The following SEC14L1 variants were observed in gnomAD, a reference collection of about 807,000 sequenced individuals.
SEC14L1 encodes the protein SEC14 like lipid binding 1, also known as SEC14-like protein 1.
In SEC14L1, 48 loss-of-function variants were observed where a neutral mutation model predicts 85.3. That is an observed-to-expected ratio of 0.56 (90% CI 0.45 to 0.72). SEC14L1 has a LOEUF of 0.72. Among genes scored for constraint, SEC14L1 ranks in the 30% least tolerant of loss-of-function variants. The pLI, the probability that SEC14L1 is intolerant of heterozygous loss-of-function variation, is 0.00. For missense variants in SEC14L1, 682 were observed against 921.4 expected, an observed-to-expected ratio of 0.74 and a Z score of 3.36; for synonymous variants, 391 against 355.5, an observed-to-expected ratio of 1.10 and a Z score of -1.12.
intron 5 of SEC14L1, 64 bp from the exon 6 acceptor site, chr17:77,193,357 G>A (rs1175890355): frequency 1.4e-6 from 2 of 1,480,300 alleles, no homozygotes; most frequent in Non-Finnish European, 1.8e-6. Flanking sequence ...GTTAAACTGA[G>A]GAGCAGGCAG....
intron 4 of SEC14L1, 62 bp downstream of exon 4, chr17:77,191,014 TGGGAGAGGGCGTCCTGGA>T (rs1477783351): frequency 6.3e-6 from 10 of 1,576,806 alleles, no homozygotes; most frequent in African/African-American, 4.3e-5. Flanking sequence ...GGCGTCCTGG[TGGGAGAGGGCGTCCTGGA>T]GGGAGAGGGC....
intron 3 of SEC14L1, among the ~76,000 whole-genome samples, chr17:77,186,907 G>C (rs1336828832): frequency 6.6e-6 from 1 of 152,122 alleles, no homozygotes; most frequent in Non-Finnish European, 1.5e-5. Flanking sequence ...TAACACCAAA[G>C]GTTTCTTCCT....
At chr17:77,122,758 G>A (rs1972332209) in intron 3 of SEC14L1, among the ~76,000 whole-genome samples, 1 of 152,250 alleles carries the variant, frequency 6.6e-6, no homozygotes, top group African/African-American at 2.4e-5. Flanking sequence ...AAGGCAGAAG[G>A]AGGGCCTGGG....
chr17:77,169,268 A>G (rs1160269371), intron 3 of SEC14L1, among the ~76,000 whole-genome samples: 2 of 152,164 alleles, frequency 1.3e-5, no homozygotes, highest in Non-Finnish European at 2.9e-5. Flanking sequence ...TCCCCTTGCC[A>G]TGAGAGAAGA....
chr17:77,112,286 C>A (rs1382303116), intron 3 of SEC14L1, among the ~76,000 whole-genome samples: 2 of 152,110 alleles, frequency 1.3e-5, no homozygotes, highest in African/African-American at 4.8e-5. Context: ...AGTCTCGGGT[C>A]TCTCTTCATA....
chr17:77,122,027 T>C (rs1469806714), intron 3 of SEC14L1, among the ~76,000 whole-genome samples: 2 of 152,174 alleles, frequency 1.3e-5, no homozygotes, highest in African/African-American at 2.4e-5. Flanking sequence ...CTGGAAAACA[T>C]TGATATACTG....
intron 3 of SEC14L1, among the ~76,000 whole-genome samples, chr17:77,173,124 T>G (rs1026158700): frequency 6.6e-6 from 1 of 152,226 alleles, no homozygotes; most frequent in Non-Finnish European, 1.5e-5. Context: ...AAGAGTGGTT[T>G]GAGCTCCCTT....
At chr17:77,179,939 A>C (rs1974938365) in intron 3 of SEC14L1, among the ~76,000 whole-genome samples, 1 of 152,066 alleles carries the variant, frequency 6.6e-6, no homozygotes, top group African/African-American at 2.4e-5. Context: ...AGCCTCCCAA[A>C]GTGCTGGGAT....
chr17:77,137,498 G>A (rs554782060), upstream of SEC14L1, among the ~76,000 whole-genome samples: 80 of 152,332 alleles, frequency 5.3e-4, no homozygotes, highest in African/African-American at 1.9e-3. Context: ...AGCCATTCAT[G>A]AGGGATCTGA....
At chr17:77,147,997 A>G (rs1344356392) in intron 3 of SEC14L1, among the ~76,000 whole-genome samples, 2 of 152,158 alleles carry the variant, frequency 1.3e-5, no homozygotes, top group Non-Finnish European at 1.5e-5. Flanking sequence ...GAGCATAGTG[A>G]TATGATCCCA....
In SEC14L1 at chr17:77,190,816, G is replaced by C. The variant is rs1252597469; in HGVS notation, c.77G>C (p.Arg26Thr). Residue 26 changes from arginine (R) to threonine (T), a missense_variant, in exon 4 of 17, where the codon AGG (arginine) becomes ACG (threonine). Transcript: ENST00000436233. ...FELIMAAYERRFPTCPLIPMF... is the reference protein window; with the variant it reads ...FELIMAAYERTFPTCPLIPMF... ...TTAAATTTATAGGCCTATGAAAGGAGGTTCCCTACATGTCCTTTGATTCCG... is the reference window on the plus strand; with the variant it reads ...TTAAATTTATAGGCCTATGAAAGGACGTTCCCTACATGTCCTTTGATTCCG... 6.2e-7 allele frequency: 1 copy of C among 1,614,198 alleles called. No homozygotes were observed. The highest frequency in any genetic ancestry group is 1.1e-5 in the South Asian group (1 of 91,090).
rs140098494 is a variant in SEC14L1 at position 77,122,299 on chromosome 17, T to A, written c.-135-20347T>A. On this transcript the variant is annotated intron_variant, in intron 3 of 19. Coordinates refer to the SEC14L1 transcript ENST00000392476. ...TTATCATTAATTTTTATTTTCTTCT[T>A]CATCTTCTTTTTTTTTTTTTTGAGA... Among the ~76,000 whole-genome samples the A allele has an allele frequency of 3.2e-3, 483 of 151,748 alleles. 3 individuals are homozygous for A. The highest frequency in any genetic ancestry group is 0.011 in the African/African-American group (457 of 41,360).
In SEC14L1 at chr17:77,143,596, C is replaced by T. The variant is rs1454580506; in HGVS notation, c.-1C>T. On this transcript the variant is annotated 5_prime_UTR_variant, in exon 3 of 17. Coordinates refer to ENST00000436233, the MANE Select transcript of SEC14L1 (RefSeq NM_001143998.2). ...GAGAGGGTTGCTGTTGTATTGCAAT[C>T]ATGGTGCAGAAATACCAGTCCCCAG... The T allele has an allele frequency of 1.4e-5, 23 of 1,612,720 alleles. No individual in the cohort carries two copies. The highest frequency in any genetic ancestry group is 8.9e-5 in the East Asian group (4 of 44,882).
In SEC14L1 at chr17:77,213,240, C is replaced by G; in HGVS notation, c.1864-74C>G. ...GAAATCCTAAAGACAGTCCCCTTGG[C>G]GCTTGTCAGGCCTGTGGTAGGCCAG... On this transcript the variant is annotated intron_variant, in intron 15 of 16. Coordinates refer to ENST00000436233, the MANE Select transcript of SEC14L1 (RefSeq NM_001143998.2). The surrounding 1 kb of genome is among the most constrained non-coding windows in gnomAD (Gnocchi z 7.1). 7.7e-7 allele frequency: 1 copy of G among 1,305,544 alleles called. No individual in the cohort carries two copies. Among genetic ancestry groups the G allele is most frequent in the Non-Finnish European group, 1.1e-6 (1 of 948,696 alleles). 80.9% of individuals were successfully genotyped at this position (1,305,544 alleles called of 1,614,324 possible). A position where few individuals can be genotyped will look rare whatever the true frequency, so the allele number is the denominator to read the frequency against.
upstream of SEC14L1, chr17:77,140,604 C>G (rs1972953907): frequency 1.3e-5 from 2 of 152,670 alleles, no homozygotes; most frequent in African/African-American, 4.8e-5. Context: ...GAACCCCTCC[C>G]CTGCACGCCG....
At chr17:77,154,506 A>G (rs1258489662) in intron 3 of SEC14L1, among the ~76,000 whole-genome samples, 1 of 152,174 alleles carries the variant, frequency 6.6e-6, no homozygotes, top group Non-Finnish European at 1.5e-5. Flanking sequence ...TTAAATATAA[A>G]ATGTAAATGC....
intron 3 of SEC14L1, among the ~76,000 whole-genome samples, chr17:77,182,638 C>A (rs1975088560): frequency 6.6e-6 from 1 of 152,152 alleles, no homozygotes; most frequent in South Asian, 2.1e-4. Context: ...TTCGTCCAGC[C>A]TTTCTTGACT....
intron 10 of SEC14L1, 83 bp downstream of exon 10, chr17:77,203,741 C>T (rs1158410827): frequency 2.0e-6 from 2 of 1,000,508 alleles, no homozygotes; most frequent in East Asian, 5.2e-5. Context: ...GTTAACCAGC[C>T]TGTTAGAACA....
chr17:77,147,920 G>C (rs532076555), intron 3 of SEC14L1, among the ~76,000 whole-genome samples: 1 of 152,216 alleles, frequency 6.6e-6, no homozygotes, highest in South Asian at 2.1e-4. Flanking sequence ...CCTGGCTTGC[G>C]GGGAGGAGAA....
Sources: allele counts gnomAD v4.1 joint callset (sites outside exome capture counted in the v4.1 genomes callset), GRCh38; gene constraint gnomAD v4.1.1; non-coding constraint Gnocchi (gnomAD v3.1); transcripts MANE v1.5; gene names NCBI Gene and HGNC (gene_info 2026-07-23, HGNC 2026-07-21).